The following TSPAN7 variants were observed in gnomAD, a reference collection of about 807,000 sequenced individuals.
TSPAN7 encodes the protein tetraspanin 7, also known as tetraspanin-7.
TSPAN7 carries 1 observed loss-of-function variant against 17.6 expected under a neutral mutation model. The observed-to-expected ratio is 0.06, with a 90% CI of 0.02 to 0.27. TSPAN7 has a LOEUF of 0.27. Ranked by LOEUF, TSPAN7 falls within the 10% of genes least tolerant of loss-of-function variation. The pLI, the probability that TSPAN7 is intolerant of heterozygous loss-of-function variation, is 1.00. For missense variants in TSPAN7, 112 were observed against 201.7 expected, an observed-to-expected ratio of 0.56 and a Z score of 2.69; for synonymous variants, 78 against 79.0, an observed-to-expected ratio of 0.99 and a Z score of 0.07.
intron 1 of TSPAN7, among the ~76,000 whole-genome samples, chrX:38,603,082 A>G (rs1442924752): frequency 3.6e-5 from 4 of 112,257 alleles, no homozygotes; most frequent in Admixed American, 9.4e-5. Context: ...GTCAATATTT[A>G]AAAGGCAAAT....
At chrX:38,653,721 C>G (rs1266263305) in intron 1 of TSPAN7, among the ~76,000 whole-genome samples, 1 of 112,203 alleles carries the variant, frequency 8.9e-6, no homozygotes, top group East Asian at 2.8e-4. Flanking sequence ...GCTTTCATTT[C>G]TATAGATTTA....
intron 2 of TSPAN7, among the ~76,000 whole-genome samples, chrX:38,668,656 T>G (rs1373853701): frequency 8.9e-6 from 1 of 112,278 alleles, no homozygotes; most frequent in African/African-American, 3.2e-5. Flanking sequence ...CAAATAGTAT[T>G]CCATTGTGTA....
chrX:38,569,221 G>A (rs1045063844), intron 1 of TSPAN7, among the ~76,000 whole-genome samples: 1 of 111,057 alleles, frequency 9.0e-6, no homozygotes, highest in Admixed American at 9.6e-5. Context: ...TGAGTTTTAG[G>A]ACCAAGGTCA....
chrX:38,622,436 T>C (rs1485236830), intron 1 of TSPAN7, among the ~76,000 whole-genome samples: 1 of 112,148 alleles, frequency 8.9e-6, no homozygotes, highest in East Asian at 2.8e-4. Context: ...CAATCTCAGC[T>C]ACTTGGATGG....
chrX:38,674,546 C>T (rs1263443669), intron 4 of TSPAN7, among the ~76,000 whole-genome samples: 1 of 111,791 alleles, frequency 8.9e-6, no homozygotes, highest in Non-Finnish European at 1.9e-5. Context: ...GTAAGGGTTG[C>T]AAGTATGGCA....
At chrX:38,645,616 T>C (rs1314819211) in intron 1 of TSPAN7, among the ~76,000 whole-genome samples, 1 of 111,604 alleles carries the variant, frequency 9.0e-6, no homozygotes, top group Non-Finnish European at 1.9e-5. Flanking sequence ...TAGGAGGGGC[T>C]GTGCAGAAAG....
At chrX:38,619,972 C>A (rs1476407776) in intron 1 of TSPAN7, among the ~76,000 whole-genome samples, 1 of 112,105 alleles carries the variant, frequency 8.9e-6, no homozygotes, top group African/African-American at 3.2e-5. Context: ...TGGTATCTAT[C>A]CCCTGTGCTA....
chrX:38,614,265 CA>C (rs2147419337), intron 1 of TSPAN7, among the ~76,000 whole-genome samples: 1 of 111,877 alleles, frequency 8.9e-6, no homozygotes, highest in East Asian at 2.8e-4. Context: ...GGCTTCTGAC[CA>C]TTTATGGAAC....
At chrX:38,676,992 A>G (rs188602309) in intron 5 of TSPAN7, among the ~76,000 whole-genome samples, 1 of 112,288 alleles carries the variant, frequency 8.9e-6, no homozygotes, top group African/African-American at 3.2e-5. Flanking sequence ...ATGGAAGGCA[A>G]GAAGTACTCT....
chrX:38,670,374 C>G (rs11797322), intron 2 of TSPAN7, among the ~76,000 whole-genome samples: 41,993 of 111,013 alleles, frequency 0.38, 6,299 homozygotes, highest in Middle Eastern at 0.53. Context: ...ATACCATGTA[C>G]TACCCTTGAA....
chrX:38,654,367 G>T (rs185561377), intron 1 of TSPAN7, among the ~76,000 whole-genome samples: 2 of 112,342 alleles, frequency 1.8e-5, no homozygotes, highest in African/African-American at 6.5e-5. Context: ...AGAGTTATAG[G>T]ATATTAGAGC....
intron 1 of TSPAN7, among the ~76,000 whole-genome samples, chrX:38,647,031 G>C (rs891659883): frequency 5.4e-5 from 6 of 111,809 alleles, no homozygotes; most frequent in African/African-American, 2.0e-4. Flanking sequence ...TACACTAGGG[G>C]AGAAAATAGG....
rs182053954 is a variant in TSPAN7 at position 38,644,584 on chromosome X, G to A, written c.82-21537G>A. ...AGAAGTTGTTTAGAGGCCTTTAAAG[G>A]TGACATTTTGAAGCAATCTGTAGGG... On this transcript the variant is annotated intron_variant, in intron 1 of 7. Coordinates refer to ENST00000378482, the MANE Select transcript of TSPAN7 (RefSeq NM_004615.4). Among the ~76,000 whole-genome samples, 4 of 111,587 alleles carry A rather than the reference G, an allele frequency of 3.6e-5. No homozygotes were observed. In the East Asian group the frequency reaches 1.1e-3, roughly 32 times the overall value.
intron 1 of TSPAN7, among the ~76,000 whole-genome samples, chrX:38,581,069 T>C (rs898641890): frequency 4.5e-5 from 5 of 112,328 alleles, no homozygotes; most frequent in Non-Finnish European, 9.4e-5. Flanking sequence ...GTAGAAAACT[T>C]AGGCCAGGTC....
chrX:38,611,517 A>G (rs909092419), intron 1 of TSPAN7, among the ~76,000 whole-genome samples: 1 of 111,687 alleles, frequency 9.0e-6, no homozygotes, highest in Non-Finnish European at 1.9e-5. Flanking sequence ...GGCATTTCTC[A>G]TGGCTGTATA....
At chrX:38,592,208 A>T (rs1345500580) in intron 1 of TSPAN7, among the ~76,000 whole-genome samples, 1 of 111,795 alleles carries the variant, frequency 8.9e-6, no homozygotes, top group African/African-American at 3.3e-5. Context: ...TTACAATTCA[A>T]CATGAGATTT....
Position 38,672,050 on chromosome X carries a change from T to A in TSPAN7, c.345+600T>A, listed in dbSNP as rs1016392114. On this transcript the variant is annotated intron_variant, in intron 3 of 7. Transcript: ENST00000378482. ...GCAAGAGAGTGAGATCCTGTCTCTA[T>A]TTTTTGTTTTTAAAAATAGCTGCTT... is the stretch of plus-strand genomic sequence containing the variant. Among the ~76,000 whole-genome samples, 3 of 110,433 alleles carry A rather than the reference T, an allele frequency of 2.7e-5. No individual in the cohort carries two copies. In the Admixed American group the frequency reaches 2.9e-4, roughly 11 times the overall value.
At chrX:38,617,550 G>A (rs1217474946) in intron 1 of TSPAN7, among the ~76,000 whole-genome samples, 1 of 112,028 alleles carries the variant, frequency 8.9e-6, no homozygotes, top group Non-Finnish European at 1.9e-5. Flanking sequence ...TAACCTAGAG[G>A]GATGTGCTCT....
intron 1 of TSPAN7, among the ~76,000 whole-genome samples, chrX:38,587,914 G>T: frequency 8.9e-6 from 1 of 112,034 alleles, no homozygotes; most frequent in Non-Finnish European, 1.9e-5. Flanking sequence ...TTTCCAGAAT[G>T]TTGGTTGCTT....
Sources: allele counts gnomAD v4.1 joint callset (sites outside exome capture counted in the v4.1 genomes callset), GRCh38; gene constraint gnomAD v4.1.1; transcripts MANE v1.5; gene names NCBI Gene and HGNC (gene_info 2026-07-23, HGNC 2026-07-21).